EMCN: variants seen among roughly 807,000 people sequenced by gnomAD.
EMCN encodes the protein MUC-14.
In EMCN, 37 loss-of-function variants were observed where a neutral mutation model predicts 38.4. The ratio of observed to expected loss-of-function variants is 0.96; its 90% confidence interval spans 0.74 to 1.27. EMCN has a LOEUF of 1.27. Ranked by LOEUF, EMCN falls within the 50% of genes most tolerant of loss-of-function variation. EMCN has a pLI of 0.00. For synonymous variants in EMCN, 95 were observed against 100.8 expected (o/e 0.94, Z 0.35); for missense variants, 318 against 302.8 (o/e 1.05, Z -0.37).
chr4:100,423,428 A>T, intron 5 of EMCN, 24 bp from the exon 6 acceptor site: 1 of 1,531,870 alleles, frequency 6.5e-7, no homozygotes. Context: ...ACAAATGCAG[A>T]ATCAGGCTAT....
chr4:100,495,141 G>A (rs1362272303), intron 1 of EMCN, among the ~76,000 whole-genome samples: 2 of 151,974 alleles, frequency 1.3e-5, no homozygotes, highest in African/African-American at 4.8e-5. Flanking sequence ...TTGGATTTTT[G>A]AGCATAGAAT....
chr4:100,447,504 A>AG lies in EMCN; in HGVS notation c.415+28_415+29insC. ...TTGAGATTTTACCCATGAAAATACT[A>AG]AGAGAGAGACAGAGAAAAAAGAGCT... On this transcript the variant is annotated intron_variant, in intron 5 of 11. Coordinates refer to ENST00000296420, the MANE Select transcript of EMCN (RefSeq NM_016242.4). 7.2e-6 allele frequency: 11 copies of AG among 1,535,400 alleles called. No individual in the cohort carries two copies. In the South Asian group the frequency reaches 9.0e-5, roughly 13 times the overall value.
chr4:100,430,360 T>A (rs1390684469), intron 5 of EMCN, among the ~76,000 whole-genome samples: 1 of 152,178 alleles, frequency 6.6e-6, no homozygotes, highest in East Asian at 1.9e-4. Context: ...GAATGAGTTA[T>A]AAGGACATGA....
At chr4:100,420,669 T>G (rs534161679) in intron 8 of EMCN, among the ~76,000 whole-genome samples, 1 of 152,190 alleles carries the variant, frequency 6.6e-6, no homozygotes, top group South Asian at 2.1e-4. Flanking sequence ...TCAGTATTAG[T>G]TCACTAATTG....
chr4:100,440,278 T>C (rs1375959206), intron 5 of EMCN, among the ~76,000 whole-genome samples: 1 of 152,148 alleles, frequency 6.6e-6, no homozygotes, highest in African/African-American at 2.4e-5. Flanking sequence ...TACAAGTGGT[T>C]TTTTTGTTAC....
intron 1 of EMCN, among the ~76,000 whole-genome samples, chr4:100,505,151 GC>G (rs1729449224): frequency 6.6e-6 from 1 of 152,104 alleles, no homozygotes; most frequent in East Asian, 1.9e-4. Context: ...TCCTTACCCT[GC>G]CCCTTTGTCT....
chr4:100,485,871 C>A (rs1578226018), intron 1 of EMCN, among the ~76,000 whole-genome samples: 1 of 152,160 alleles, frequency 6.6e-6, no homozygotes, highest in Non-Finnish European at 1.5e-5. Context: ...TGGATAATTT[C>A]TTCTGTTTGC....
At chr4:100,473,010 T>A (rs1220173929) in intron 3 of EMCN, among the ~76,000 whole-genome samples, 1 of 59,308 alleles carries the variant, frequency 1.7e-5, no homozygotes, top group African/African-American at 3.7e-5. Context: ...ATATATATAT[T>A]ATATATATAT....
chr4:100,439,068 T>C (rs1448960164), intron 5 of EMCN, among the ~76,000 whole-genome samples: 1 of 152,086 alleles, frequency 6.6e-6, no homozygotes, highest in Non-Finnish European at 1.5e-5. Context: ...GGTCTGCATT[T>C]TTCTTGTCTT....
At chr4:100,467,614 G>A (rs1283445642) in intron 3 of EMCN, among the ~76,000 whole-genome samples, 5 of 150,468 alleles carry the variant, frequency 3.3e-5, no homozygotes, top group South Asian at 2.1e-4. Flanking sequence ...CCCAAGAGGC[G>A]GAGCTTGCAG....
chr4:100,451,054 T>C (rs2110246880), intron 4 of EMCN, among the ~76,000 whole-genome samples: 1 of 152,000 alleles, frequency 6.6e-6, no homozygotes, highest in African/African-American at 2.4e-5. Context: ...CTTAGTTTAT[T>C]TTTTTAAAGA....
At chr4:100,463,844 G>T (rs1728246253) in intron 4 of EMCN, among the ~76,000 whole-genome samples, 1 of 152,008 alleles carries the variant, frequency 6.6e-6, no homozygotes, top group African/African-American at 2.4e-5. Flanking sequence ...TTTGAAATTG[G>T]GTTGTGTCCT....
At chr4:100,442,393 G>A (rs916887762) in intron 5 of EMCN, among the ~76,000 whole-genome samples, 26 of 152,272 alleles carry the variant, frequency 1.7e-4, no homozygotes, top group Admixed American at 9.8e-4. Context: ...GTATATTTTG[G>A]AGGGCCTTTG....
At chr4:100,515,569 A>G (rs1729733122) in intron 1 of EMCN, among the ~76,000 whole-genome samples, 3 of 152,196 alleles carry the variant, frequency 2.0e-5, no homozygotes, top group African/African-American at 7.2e-5. Flanking sequence ...AAAGTAGTCA[A>G]TTTATCTAAA....
chr4:100,428,413 C>T (rs1488684306), intron 5 of EMCN, among the ~76,000 whole-genome samples: 1 of 152,076 alleles, frequency 6.6e-6, no homozygotes, highest in Admixed American at 6.6e-5. Context: ...GCTTGTGATC[C>T]CTTCCTCCTC....
rs750374370 is a variant in EMCN, at chr4:100,475,152, CAT to C, written c.188-45_188-44del. The C allele has an allele frequency of 2.2e-4, 215 of 993,962 alleles. 1 individual carries two copies. Among genetic ancestry groups the C allele is most frequent in the Non-Finnish European group, 3.0e-4 (207 of 680,674 alleles). 61.6% of individuals were successfully genotyped at this position (993,962 alleles called of 1,614,324 possible). A position where few individuals can be genotyped will look rare whatever the true frequency, so the allele number is the denominator to read the frequency against. On this transcript the variant is annotated intron_variant, in intron 2 of 11. Transcript: ENST00000296420. Reference sequence around the variant, plus strand: ...ATTAAATTATTATTAATCATAATCTCATGTTATCTGTCAATAAATAAAGTAAG... The same window carrying C: ...ATTAAATTATTATTAATCATAATCTCGTTATCTGTCAATAAATAAAGTAAG...
At chr4:100,442,619 A>T (rs890439799) in intron 5 of EMCN, among the ~76,000 whole-genome samples, 1 of 151,600 alleles carries the variant, frequency 6.6e-6, no homozygotes, top group African/African-American at 2.4e-5. Context: ...CTTTAACTTC[A>T]CAGATTTTAT....
At chr4:100,490,675 CA>C (rs1729054469) in intron 1 of EMCN, among the ~76,000 whole-genome samples, 1 of 152,088 alleles carries the variant, frequency 6.6e-6, no homozygotes, top group Non-Finnish European at 1.5e-5. Context: ...GAGGTTATAC[CA>C]TAAGGCCTAG....
intron 4 of EMCN, among the ~76,000 whole-genome samples, chr4:100,448,305 C>A (rs1292999266): frequency 2.0e-5 from 3 of 151,948 alleles, no homozygotes; most frequent in African/African-American, 7.3e-5. Context: ...CAAATAGAAG[C>A]CCAATAATGA....
Sources: gnomAD v4.1 joint callset for allele counts (sites outside exome capture counted in the v4.1 genomes callset) on GRCh38, gnomAD v4.1.1 for gene constraint, MANE v1.5 for transcripts, NCBI Gene and HGNC (gene_info 2026-07-23, HGNC 2026-07-21) for gene names.